Variants in ATAD1 observed in about 807,000 individuals in gnomAD.
The protein encoded by ATAD1 is ATPase family AAA domain containing 1.
Under a neutral mutation model 42.7 loss-of-function variants are expected in ATAD1, and 18 were observed. The observed-to-expected ratio is 0.42, with a 90% CI of 0.29 to 0.63. The LOEUF (loss-of-function observed/expected upper bound fraction) is 0.63, where lower values mean the gene tolerates loss of function less well. Among genes scored for constraint, ATAD1 ranks in the 20% least tolerant of loss-of-function variants. The pLI, the probability that ATAD1 is intolerant of heterozygous loss-of-function variation, is 0.19. For synonymous variants in ATAD1, 132 were observed against 143.1 expected (o/e 0.92, Z 0.55); for missense variants, 294 against 440.4 (o/e 0.67, Z 2.98).
intron 1 of ATAD1, among the ~76,000 whole-genome samples, chr10:87,824,665 T>G: frequency 6.6e-6 from 1 of 152,180 alleles, no homozygotes; most frequent in African/African-American, 2.4e-5. Context: ...ATTCCTAGAT[T>G]CTGTAAGGAC....
At chr10:87,803,362 A>G (rs1213039470) in intron 2 of ATAD1, among the ~76,000 whole-genome samples, 1 of 152,252 alleles carries the variant, frequency 6.6e-6, no homozygotes, top group Non-Finnish European at 1.5e-5. Flanking sequence ...AGGAAAATAA[A>G]TCTTGGAGAC....
chr10:87,798,456 A>AC (rs1166086607), intron 2 of ATAD1, among the ~76,000 whole-genome samples: 1 of 152,094 alleles, frequency 6.6e-6, no homozygotes, highest in East Asian at 1.9e-4. Flanking sequence ...CAGAGTTGCT[A>AC]CGTTCTCTTT....
chr10:87,810,687 T>C (rs1160041780), intron 2 of ATAD1, among the ~76,000 whole-genome samples: 1 of 152,240 alleles, frequency 6.6e-6, no homozygotes, highest in Admixed American at 6.5e-5. Flanking sequence ...TTCCATCTTT[T>C]TACTTTCAAC....
chr10:87,760,672 T>C (rs544141355), intron 8 of ATAD1, among the ~76,000 whole-genome samples: 3 of 152,220 alleles, frequency 2.0e-5, no homozygotes, highest in South Asian at 2.1e-4. Flanking sequence ...AAGGCTGCAG[T>C]GAGCTAGGAT....
chr10:87,798,623 GGGGTGT>G lies in ATAD1; in HGVS notation c.163-5874_163-5869del, dbSNP rs1205576739. 5.9e-3 allele frequency among the ~76,000 whole-genome samples: 458 copies of G among 77,232 alleles called. 7 individuals are homozygous for G. The highest frequency in any genetic ancestry group is 0.024 in the African/African-American group (434 of 18,160). 50.7% of individuals were successfully genotyped at this position (77,232 alleles called of 152,430 possible). On this transcript the variant is annotated intron_variant, in intron 2 of 9. Coordinates refer to ENST00000680024, the MANE Select transcript of ATAD1 (RefSeq NM_001321967.2). The stretch of plus-strand genomic sequence containing the variant: ...TAAAGTTCCAAAGTAAAAGCTATAG[GGGGTGT>G]GTGTGTGTGTGTGTGTGTGTGTGTG...
chr10:87,788,866 A>G (rs1317644621), intron 4 of ATAD1, among the ~76,000 whole-genome samples: 1 of 152,214 alleles, frequency 6.6e-6, no homozygotes, highest in Non-Finnish European at 1.5e-5. Flanking sequence ...TCAAATAATC[A>G]TTCAAAGTTT....
At chr10:87,784,421 A>G (rs374276517) in intron 5 of ATAD1, 49 bp downstream of exon 5, 2 of 1,548,782 alleles carry the variant, frequency 1.3e-6, no homozygotes, top group Non-Finnish European at 1.8e-6. Context: ...TTATCTAAAT[A>G]TCTCTAAAAA....
At position 87,754,801 on chromosome 10, in the gene ATAD1, G is replaced by C. The variant is rs773067639; in HGVS notation, c.972C>G (p.Asp324Glu). Residue 324 changes from aspartate (D) to glutamate (E), a missense_variant, in exon 10 of 10, where the codon GAC becomes GAG. Transcript: ENST00000680024. ...YVNSTSEESH[D>E]EDEIRPVQQQ... ...GTTGAACAGGCCGAATTTCATCTTC[G>C]TCATGGCTAAAATGCAAACAAAACC... The C allele has an allele frequency of 6.2e-7, 1 of 1,611,512 alleles. No homozygotes were observed. Among genetic ancestry groups the C allele is most frequent in the Admixed American group, 1.7e-5 (1 of 59,870 alleles).
intron 1 of ATAD1, among the ~76,000 whole-genome samples, chr10:87,836,855 C>T (rs1217614969): frequency 6.6e-6 from 1 of 152,168 alleles, no homozygotes; most frequent in Non-Finnish European, 1.5e-5. Context: ...TCAGGCACAG[C>T]TTTTTTCCCC....
chr10:87,799,489 T>C (rs1201049300), intron 2 of ATAD1, among the ~76,000 whole-genome samples: 1 of 152,186 alleles, frequency 6.6e-6, no homozygotes, highest in African/African-American at 2.4e-5. Flanking sequence ...ATAAACCAAG[T>C]TCCTCCCGAA....
upstream of ATAD1, chr10:87,818,325 G>T (rs1857532522): frequency 2.0e-5 from 19 of 930,960 alleles, no homozygotes; most frequent in Non-Finnish European, 2.4e-5. Context: ...CGTGCTCCCA[G>T]GCTTAGAAAC....
chr10:87,791,391 T>G (rs1196011792), intron 3 of ATAD1, among the ~76,000 whole-genome samples: 5 of 151,826 alleles, frequency 3.3e-5, no homozygotes, highest in Non-Finnish European at 7.4e-5. Context: ...TACAATAGAT[T>G]CATTTCCTTC....
chr10:87,814,645 A>G lies in ATAD1; in HGVS notation c.-13-33T>C, dbSNP rs758253881. 2.8e-6 allele frequency: 4 copies of G among 1,442,698 alleles called. No individual in the cohort carries two copies. In the Admixed American group the frequency reaches 7.4e-5, roughly 27 times the overall value. The allele number at this position is 1,442,698 out of a possible 1,614,324, so 89.4% of individuals were successfully genotyped here. On this transcript the variant is annotated intron_variant, in intron 1 of 9. Transcript: ENST00000680024. ...AAACAAACAGAAATGTCACTAGGTA[A>G]TAACTATACTTATTAAAATTGTAAG...
At chr10:87,810,597 A>G (rs1857135528) in intron 2 of ATAD1, among the ~76,000 whole-genome samples, 1 of 152,216 alleles carries the variant, frequency 6.6e-6, no homozygotes, top group African/African-American at 2.4e-5. Context: ...TTATGTAGCA[A>G]ACATTTTCTC....
At chr10:87,791,995 A>G (rs1213296559) in intron 3 of ATAD1, among the ~76,000 whole-genome samples, 1 of 152,210 alleles carries the variant, frequency 6.6e-6, no homozygotes, top group East Asian at 1.9e-4. Context: ...AAAAATCCAC[A>G]TGACTTAAAG....
At chr10:87,773,901 G>T (rs74578646) in intron 6 of ATAD1, among the ~76,000 whole-genome samples, 1 of 152,080 alleles carries the variant, frequency 6.6e-6, no homozygotes, top group Admixed American at 6.5e-5. Flanking sequence ...ATTAGTTTTT[G>T]GCAACCTGTA....
chr10:87,784,531 A>G lies in ATAD1; in HGVS notation c.522T>C (p.Ala174=), dbSNP rs1222176952. 1 of 1,613,926 alleles carries G rather than the reference A, an allele frequency of 6.2e-7. No individual in the cohort carries two copies. Among genetic ancestry groups the G allele is most frequent in the Non-Finnish European group, 8.5e-7 (1 of 1,179,908 alleles). ...DKWYGESQKL[A]AAVFSLAIKL... ...TTATGGCAAGGGAGAAGACAGCAGC[A>G]GCCAATTTCTGAGATTCTCCATACC... Residue 174 remains alanine, a synonymous_variant, in exon 5 of 10, where the codon GCT becomes GCC. Transcript: ENST00000680024.
At chr10:87,787,640 G>T (rs1855901749) in intron 4 of ATAD1, among the ~76,000 whole-genome samples, 1 of 152,046 alleles carries the variant, frequency 6.6e-6, no homozygotes, top group African/African-American at 2.4e-5. Flanking sequence ...AAAGTATTGG[G>T]ATACACAAAT....
Position 87,778,234 on chromosome 10 carries a change from C to T in ATAD1, c.584-1807G>A, listed in dbSNP as rs1174691232. Among the ~76,000 whole-genome samples the T allele has an allele frequency of 4.1e-5, 6 of 145,490 alleles. No individual in the cohort carries two copies. In the East Asian group the frequency reaches 8.0e-4, roughly 19 times the overall value. On this transcript the variant is annotated intron_variant, in intron 5 of 9. Transcript: ENST00000680024. Reference sequence around the variant, plus strand: ...AGGCAGATCACTCAAGCCAGGGGTTCGAGACCAGGCTGGGCAACATGGCAA... The same window carrying T: ...AGGCAGATCACTCAAGCCAGGGGTTTGAGACCAGGCTGGGCAACATGGCAA...
Sources: allele counts gnomAD v4.1 joint callset (sites outside exome capture counted in the v4.1 genomes callset), GRCh38; gene constraint gnomAD v4.1.1; transcripts MANE v1.5; gene names NCBI Gene and HGNC (gene_info 2026-07-23, HGNC 2026-07-21).